EPB41: variants seen among roughly 807,000 people sequenced by gnomAD.
EPB41 encodes protein 4.1.
EPB41 carries 65 observed loss-of-function variants against 108.0 expected under a neutral mutation model. The ratio of observed to expected loss-of-function variants is 0.60; its 90% confidence interval spans 0.49 to 0.74. The LOEUF (loss-of-function observed/expected upper bound fraction) is 0.74. Among genes scored for constraint, EPB41 ranks in the 30% least tolerant of loss-of-function variants. The pLI is 0.00. For synonymous variants in EPB41, 336 were observed against 358.9 expected (o/e 0.94, Z 0.72); for missense variants, 875 against 1,037.0 (o/e 0.84, Z 2.15).
chr1:28,990,252 A>G (rs569215681), intron 2 of EPB41, among the ~76,000 whole-genome samples: 1 of 145,880 alleles, frequency 6.9e-6, no homozygotes, highest in Non-Finnish European at 1.5e-5. Context: ...AAAAAAAATT[A>G]CATTATCTTT....
intron 1 of EPB41, among the ~76,000 whole-genome samples, chr1:28,967,622 T>C (rs1028997097): frequency 2.6e-5 from 4 of 152,084 alleles, no homozygotes; most frequent in Non-Finnish European, 4.4e-5. Flanking sequence ...TTTTCATTTC[T>C]TGAGACAAGG....
chr1:28,960,259 C>T (rs1310272666), intron 1 of EPB41, among the ~76,000 whole-genome samples: 1 of 151,678 alleles, frequency 6.6e-6, no homozygotes, highest in Non-Finnish European at 1.5e-5. Context: ...GATCCACCCA[C>T]CTTGGCCTCC....
intron 8 of EPB41, 110 bp from the exon 9 acceptor site, chr1:29,032,983 T>C (rs1224005820): frequency 1.3e-5 from 14 of 1,060,620 alleles, no homozygotes; most frequent in Non-Finnish European, 2.0e-5. Flanking sequence ...TATTTTTCAT[T>C]GTATGTTTTG....
At chr1:28,956,304 C>T (rs1357897378) in intron 1 of EPB41, among the ~76,000 whole-genome samples, 1 of 152,104 alleles carries the variant, frequency 6.6e-6, no homozygotes. Flanking sequence ...TAGGAAACTG[C>T]AGCAAGGCAA....
At chr1:29,083,406 A>G (rs1657539300) in intron 16 of EPB41, among the ~76,000 whole-genome samples, 1 of 152,190 alleles carries the variant, frequency 6.6e-6, no homozygotes, top group African/African-American at 2.4e-5. Context: ...GAAACTGTAC[A>G]AAACTATTAT....
At chr1:28,900,374 G>A (rs1192681891) in intron 1 of EPB41, among the ~76,000 whole-genome samples, 3 of 150,240 alleles carry the variant, frequency 2.0e-5, no homozygotes, top group Non-Finnish European at 4.4e-5. Flanking sequence ...TGCAACCTCT[G>A]CCTCCCAGGT....
intron 11 of EPB41, 108 bp from the exon 12 acceptor site, chr1:29,052,996 C>G (rs1644785091): frequency 5.8e-6 from 7 of 1,212,036 alleles, no homozygotes; most frequent in East Asian, 2.5e-5. Context: ...ACTACACACT[C>G]TAACATTCGT....
chr1:29,089,963 C>T (rs927022552), intron 16 of EPB41, among the ~76,000 whole-genome samples: 3 of 152,046 alleles, frequency 2.0e-5, no homozygotes, highest in Admixed American at 1.3e-4. Flanking sequence ...CTGGATGAGG[C>T]GTTCTAAGAG....
chr1:28,934,666 T>TTGTGTGTGTGTGTGTG (rs1204147204), intron 1 of EPB41, among the ~76,000 whole-genome samples: 1,874 of 136,332 alleles, frequency 0.014, 39 homozygotes, highest in African/African-American at 0.026. Flanking sequence ...TCTTTTGACA[T>TTGTGTGTGTGTGTGTG]TGTGTGTGTG....
chr1:28,893,087 G>T (rs1476175178), intron 1 of EPB41, among the ~76,000 whole-genome samples: 2 of 151,900 alleles, frequency 1.3e-5, no homozygotes, highest in South Asian at 4.1e-4. Context: ...CAAGTGTCAG[G>T]TTCTTTTATT....
At chr1:29,105,116 C>T (rs1026407871) in intron 17 of EPB41, among the ~76,000 whole-genome samples, 2 of 152,220 alleles carry the variant, frequency 1.3e-5, no homozygotes. Context: ...ATAGCCTTTT[C>T]CATCTGATTT....
intron 2 of EPB41, among the ~76,000 whole-genome samples, chr1:28,989,594 G>A (rs967529112): frequency 2.6e-5 from 4 of 152,172 alleles, no homozygotes. Flanking sequence ...TCAAAGTGCT[G>A]AGGGTAAAAT....
intron 1 of EPB41, among the ~76,000 whole-genome samples, chr1:28,929,401 A>ATTT (rs562154176): frequency 3.2e-4 from 46 of 141,798 alleles, no homozygotes; most frequent in Middle Eastern, 7.2e-3. Context: ...AATTTTTTGT[A>ATTT]TTTTTTTTTT....
At chr1:28,929,302 T>G (rs1187696249) in intron 1 of EPB41, among the ~76,000 whole-genome samples, 2 of 151,594 alleles carry the variant, frequency 1.3e-5, no homozygotes, top group South Asian at 4.2e-4. Flanking sequence ...CTCAGCTCAC[T>G]GCAAGCTCTG....
At chr1:28,969,045 A>G (rs996763344) in intron 1 of EPB41, among the ~76,000 whole-genome samples, 2 of 147,124 alleles carry the variant, frequency 1.4e-5, no homozygotes, top group Non-Finnish European at 3.0e-5. Context: ...AACAAGTTCT[A>G]TATTCTTATA....
chr1:28,948,505 C>CAAA (rs34508731), intron 1 of EPB41, among the ~76,000 whole-genome samples: 45 of 90,846 alleles, frequency 5.0e-4, no homozygotes, highest in East Asian at 9.4e-4. Context: ...GACTCCGTAT[C>CAAA]AAAAAAAAAA....
chr1:28,966,464 G>A (rs939657046), intron 1 of EPB41, among the ~76,000 whole-genome samples: 2 of 152,120 alleles, frequency 1.3e-5, no homozygotes, highest in Admixed American at 6.6e-5. Context: ...CTGGGCAACA[G>A]GGATGAAACA....
chr1:28,985,950 A>G (rs1168924739), intron 1 of EPB41: 2 of 150,640 alleles, frequency 1.3e-5, no homozygotes, highest in Non-Finnish European at 3.0e-5. Context: ...ATCTAGCATT[A>G]GGTATATCTC....
intron 1 of EPB41, among the ~76,000 whole-genome samples, chr1:28,919,976 T>C (rs567383473): frequency 6.6e-6 from 1 of 152,188 alleles, no homozygotes; most frequent in South Asian, 2.1e-4. Context: ...TTTGAGTCAG[T>C]TCTACCCAAT....
Sources: gnomAD v4.1 joint callset for allele counts (sites outside exome capture counted in the v4.1 genomes callset) on GRCh38, gnomAD v4.1.1 for gene constraint, MANE v1.5 for transcripts, NCBI Gene and HGNC (gene_info 2026-07-23, HGNC 2026-07-21) for gene names.